Variants in STARD13 observed in about 807,000 individuals in gnomAD.
STARD13 encodes the protein StAR related lipid transfer domain containing 13.
In STARD13, 62 loss-of-function variants were observed where a neutral mutation model predicts 106.4. The ratio of observed to expected loss-of-function variants is 0.58; its 90% CI spans 0.48 to 0.72. The LOEUF is 0.72. Ranked by LOEUF, STARD13 falls within the 30% of genes least tolerant of loss-of-function variation. The pLI, the probability that STARD13 is intolerant of heterozygous loss-of-function variation, is 0.00. For missense variants in STARD13, 1,387 were observed against 1,424.0 expected (o/e 0.97, Z 0.42); for synonymous variants, 565 against 553.0 (o/e 1.02, Z -0.31).
Position 33,129,092 on chromosome 13 carries a change from G to A in STARD13, c.1585C>T (p.Pro529Ser), listed in dbSNP as rs745493120. 3.2e-5 allele frequency: 52 copies of A among 1,614,164 alleles called. No individual in the cohort carries two copies. The South Asian group carries it at 5.5e-4, about 17-fold the overall frequency. Residue 529 changes from proline (P) to serine (S), a missense_variant, in exon 5 of 14, where the codon CCT becomes TCT. By Grantham distance (74) the Pro-to-Ser change is moderately conservative. Coordinates refer to ENST00000336934, the MANE Select transcript of STARD13 (RefSeq NM_178006.4). ...GEPGLSTFPS[P>S]NQITLDFEGN... The stretch of plus-strand genomic sequence containing the variant: ...TCAAAATCTAAGGTGATCTGATTAG[G>A]AGATGGAAAGGTGGATAAGCCAGGT...
chr13:33,673,548 C>T, the STARD13 span, among the ~76,000 whole-genome samples: 6 of 124,716 alleles, frequency 4.8e-5, no homozygotes, highest in African/African-American at 2.6e-4. Context: ...GAACTATTAA[C>T]TCTTTTTTTT....
At chr13:33,547,351 ACATTCCTACTG>A in the STARD13 span, among the ~76,000 whole-genome samples, 5 of 152,216 alleles carry the variant, frequency 3.3e-5, no homozygotes, top group African/African-American at 1.2e-4. Flanking sequence ...TCCCCAATGA[ACATTCCTACTG>A]TACAAAATTT....
upstream of STARD13, chr13:33,355,217 T>TA (rs1443797073): frequency 2.6e-5 from 4 of 152,200 alleles, no homozygotes; most frequent in African/African-American, 9.7e-5. Context: ...CCACAGGCAA[T>TA]AAGCAGGACT....
the STARD13 span, among the ~76,000 whole-genome samples, chr13:33,451,665 CAAT>C: frequency 6.6e-6 from 1 of 152,012 alleles, no homozygotes. Flanking sequence ...TGTGGAATAT[CAAT>C]GATGTTTTAG....
chr13:33,526,343 T>C, the STARD13 span, among the ~76,000 whole-genome samples: 1 of 152,128 alleles, frequency 6.6e-6, no homozygotes, highest in Non-Finnish European at 1.5e-5. Flanking sequence ...ATTAGTTTCA[T>C]AAAATAAATA....
intron 1 of STARD13, chr13:33,350,187 C>T: frequency 1.5e-6 from 2 of 1,349,328 alleles, no homozygotes; most frequent in Non-Finnish European, 1.9e-6. Flanking sequence ...CTCTGAAACT[C>T]ATGCCCTGGA....
Position 33,130,337 on chromosome 13 carries a change from G to GCAGGAACTC in STARD13, c.388-57_388-49dup. 6.4e-7 allele frequency: 1 copy of GCAGGAACTC among 1,564,440 alleles called. No individual in the cohort carries two copies. The highest frequency in any genetic ancestry group is 8.6e-7 in the Non-Finnish European group (1 of 1,159,702). ...CTCATTAGCAGACAGCGTGGCTGAA[G>GCAGGAACTC]CAGGAACTCTGGGTGCTCTGAGGGC... is the stretch of plus-strand genomic sequence containing the variant. On this transcript the variant is annotated intron_variant, in intron 4 of 13. Transcript: ENST00000336934. The surrounding 1 kb of genome is among the most constrained non-coding windows in gnomAD (Gnocchi z 4.1).
chr13:33,182,452 A>C (rs1161174544), intron 1 of STARD13, among the ~76,000 whole-genome samples: 2 of 152,072 alleles, frequency 1.3e-5, no homozygotes, highest in Non-Finnish European at 2.9e-5. Flanking sequence ...TTAAACTCCT[A>C]CCCTCCTCCC....
chr13:33,447,503 A>G, the STARD13 span, among the ~76,000 whole-genome samples: 2 of 152,130 alleles, frequency 1.3e-5, no homozygotes, highest in African/African-American at 2.4e-5. Flanking sequence ...TCCAACTTGG[A>G]CATTAGACTT....
At chr13:33,478,055 T>A in the STARD13 span, among the ~76,000 whole-genome samples, 1 of 152,306 alleles carries the variant, frequency 6.6e-6, no homozygotes, top group South Asian at 2.1e-4. Context: ...CTGCTTCCTG[T>A]TTACCAACTC....
At chr13:33,622,717 C>G in the STARD13 span, among the ~76,000 whole-genome samples, 17,830 of 146,446 alleles carry the variant, frequency 0.12, 2,713 homozygotes, top group African/African-American at 0.36. Context: ...GTCAGGAGAT[C>G]GAGACCATCC....
Position 33,130,399 on chromosome 13 carries a change from C to T in STARD13, c.388-110G>A, listed in dbSNP as rs907144996. 6.7e-6 allele frequency: 7 copies of T among 1,045,712 alleles called. No homozygotes were observed. The highest frequency in any genetic ancestry group is 1.5e-5 in the South Asian group (1 of 64,972). 64.8% of individuals were successfully genotyped at this position (1,045,712 alleles called of 1,614,324 possible). On this transcript the variant is annotated intron_variant, in intron 4 of 13. Coordinates refer to ENST00000336934, the MANE Select transcript of STARD13 (RefSeq NM_178006.4). This position sits in a 1 kb window ranked among gnomAD's most constrained non-coding sequence, Gnocchi z 4.1. The stretch of plus-strand genomic sequence containing the variant: ...GTCCTCCACCTCCCTCCCCTCTGTC[C>T]TCCCATGCACAGGTGTGAGCTTCTT...
the STARD13 span, among the ~76,000 whole-genome samples, chr13:33,423,765 TA>T: frequency 6.6e-6 from 1 of 152,126 alleles, no homozygotes; most frequent in African/African-American, 2.4e-5. Context: ...TATGCAGCCA[TA>T]AAAAAGGATA....
rs759642660 is a variant in STARD13, at chr13:33,118,186, G to A, written c.2160C>T (p.Asn720=). 6.2e-6 allele frequency: 10 copies of A among 1,614,068 alleles called. No individual in the cohort carries two copies. The highest frequency in any genetic ancestry group is 6.8e-6 in the Non-Finnish European group (8 of 1,180,024). ...LRQMNENFPE[N]VNYEDQSAYD... The stretch of plus-strand genomic sequence containing the variant: ...AAGCAGACTGGTCTTCATAGTTGAC[G>A]TTCTCAGGGAAGTTTTCATTCATTT... The change falls in exon 8 of 14, where the codon AAC becomes AAT. Residue 720 remains asparagine (N), a synonymous_variant. Transcript: ENST00000336934.
chr13:33,531,153 T>C, the STARD13 span, among the ~76,000 whole-genome samples: 1 of 152,190 alleles, frequency 6.6e-6, no homozygotes, highest in Admixed American at 6.5e-5. Flanking sequence ...AGCTCTCTTC[T>C]CGTCTGCCAT....
the STARD13 span, among the ~76,000 whole-genome samples, chr13:33,630,506 C>A: frequency 6.6e-6 from 1 of 152,038 alleles, no homozygotes; most frequent in East Asian, 1.9e-4. Context: ...GCGTACCTTG[C>A]GTGCAGAGAT....
intron 1 of STARD13, among the ~76,000 whole-genome samples, chr13:33,350,106 C>T (rs1158705453): frequency 6.6e-6 from 1 of 152,090 alleles, no homozygotes; most frequent in Admixed American, 6.5e-5. Context: ...CACCGGGAGG[C>T]GCGGCGGGAG....
the STARD13 span, among the ~76,000 whole-genome samples, chr13:33,493,030 T>A: frequency 6.6e-6 from 1 of 152,228 alleles, no homozygotes; most frequent in Non-Finnish European, 1.5e-5. Context: ...CAGGCATCTC[T>A]TACTGCATAG....
chr13:33,477,531 C>A, the STARD13 span, among the ~76,000 whole-genome samples: 1 of 152,166 alleles, frequency 6.6e-6, no homozygotes, highest in African/African-American at 2.4e-5. Flanking sequence ...ACTAAGTGAA[C>A]CCACTTATGG....
Sources: gnomAD v4.1 joint callset for allele counts (sites outside exome capture counted in the v4.1 genomes callset) on GRCh38, gnomAD v4.1.1 for gene constraint, Gnocchi (gnomAD v3.1) non-coding constraint, MANE v1.5 for transcripts, NCBI Gene and HGNC (gene_info 2026-07-23, HGNC 2026-07-21) for gene names.